Variants in PTPRQ observed in about 807,000 individuals in gnomAD.
The protein encoded by PTPRQ is protein tyrosine phosphatase receptor type Q.
In PTPRQ, 199 loss-of-function variants were observed where a neutral mutation model predicts 246.0. The ratio of observed to expected loss-of-function variants is 0.81; its 90% CI spans 0.72 to 0.91. The LOEUF (loss-of-function observed/expected upper bound fraction) is 0.91. PTPRQ is among the 40% of genes least tolerant of loss of function. The probability of loss-of-function intolerance (pLI) is 0.00; values close to 1 mark genes in which losing one functional copy is unlikely to be tolerated. For synonymous variants in PTPRQ, 869 were observed against 853.2 expected (o/e 1.02, Z -0.32); for missense variants, 2,624 against 2,528.4 (o/e 1.04, Z -0.81).
At chr12:80,531,765 A>G (rs1183142345) in intron 17 of PTPRQ, among the ~76,000 whole-genome samples, 1 of 152,196 alleles carries the variant, frequency 6.6e-6, no homozygotes, top group Non-Finnish European at 1.5e-5. Flanking sequence ...AATATCAGCC[A>G]CAATCCTAAA....
intron 17 of PTPRQ, among the ~76,000 whole-genome samples, chr12:80,524,883 G>A (rs1477843271): frequency 6.6e-6 from 1 of 152,100 alleles, no homozygotes; most frequent in East Asian, 1.9e-4. Flanking sequence ...TACACCAATA[G>A]GGATATGTGT....
rs1369230370 is a variant in PTPRQ, at chr12:80,541,424, C to T, written c.3155-131C>T. On this transcript the variant is annotated intron_variant, in intron 20 of 44. Transcript: ENST00000644991. Reference sequence around the variant, plus strand: ...TTTTATAATAGGTGAATGTTTGCCACATCTGCATTTAAATAATTTAAGAGC... The same window carrying T: ...TTTTATAATAGGTGAATGTTTGCCATATCTGCATTTAAATAATTTAAGAGC... 5.3e-6 allele frequency: 3 copies of T among 571,084 alleles called. No homozygotes were observed. The African/African-American group carries it at 5.8e-5, about 11-fold the overall frequency. 35.4% of individuals were successfully genotyped at this position (571,084 alleles called of 1,614,324 possible). A position where few individuals can be genotyped will look rare whatever the true frequency, so the allele number is the denominator to read the frequency against.
intron 26 of PTPRQ, among the ~76,000 whole-genome samples, chr12:80,604,445 A>C (rs1215068411): frequency 1.3e-5 from 2 of 151,628 alleles, no homozygotes; most frequent in South Asian, 2.1e-4. Context: ...AAAGTAGGAC[A>C]AATTAAGAAA....
Position 80,610,513 on chromosome 12 carries a change from A to G in PTPRQ, c.4806A>G (p.Leu1602=), listed in dbSNP as rs1450075281. 3 of 1,535,126 alleles carry G rather than the reference A, an allele frequency of 2.0e-6. No individual in the cohort carries two copies. The South Asian group carries it at 3.7e-5, about 19-fold the overall frequency. ...EENKTIEIKD[L]EIFTRYSVVI... ...ATAAAACCATAGAAATTAAAGATTT[A>G]GAAATATTCACAAGGTATTCTGTAG... The change falls in exon 28 of 45, where the codon TTA becomes TTG. Residue 1602 remains leucine (L), a synonymous_variant. Transcript: ENST00000644991.
chr12:80,513,523 G>C (rs567359098), intron 17 of PTPRQ, among the ~76,000 whole-genome samples: 1 of 152,138 alleles, frequency 6.6e-6, no homozygotes, highest in African/African-American at 2.4e-5. Context: ...GGCACAGGAT[G>C]GGGGCGTGGT....
chr12:80,597,628 T>C (rs1898011808), intron 26 of PTPRQ, among the ~76,000 whole-genome samples: 1 of 151,908 alleles, frequency 6.6e-6, no homozygotes, highest in South Asian at 2.1e-4. Flanking sequence ...TTTCTAAGAG[T>C]TGTAATCATT....
intron 28 of PTPRQ, 117 bp downstream of exon 28, chr12:80,610,742 A>C (rs1898518951): frequency 7.7e-7 from 1 of 1,299,760 alleles, no homozygotes; most frequent in Non-Finnish European, 1.0e-6. Flanking sequence ...AAAGCATATA[A>C]ACAAAAAAAT....
intron 23 of PTPRQ, among the ~76,000 whole-genome samples, chr12:80,546,023 A>G (rs1170064039): frequency 1.3e-5 from 2 of 152,110 alleles, no homozygotes; most frequent in African/African-American, 4.8e-5. Context: ...AGTTTTTTAA[A>G]AAGGCAATTA....
chr12:80,649,355 T>G (rs1384012674), intron 36 of PTPRQ, among the ~76,000 whole-genome samples: 1 of 152,092 alleles, frequency 6.6e-6, no homozygotes, highest in Non-Finnish European at 1.5e-5. Flanking sequence ...AATCCTTTAT[T>G]TAATGTCACT....
chr12:80,522,052 T>C (rs1270552738), intron 17 of PTPRQ, among the ~76,000 whole-genome samples: 1 of 152,202 alleles, frequency 6.6e-6, no homozygotes, highest in Non-Finnish European at 1.5e-5. Flanking sequence ...CAGTGGTTTG[T>C]AGTTCTCCTT....
intron 17 of PTPRQ, among the ~76,000 whole-genome samples, chr12:80,529,873 A>T (rs1895794513): frequency 6.6e-6 from 1 of 152,190 alleles, no homozygotes; most frequent in Non-Finnish European, 1.5e-5. Flanking sequence ...AAATAGGTTT[A>T]GAGTTAAATA....
At chr12:80,609,806 T>C (rs910161815) in intron 27 of PTPRQ, among the ~76,000 whole-genome samples, 17 of 150,578 alleles carry the variant, frequency 1.1e-4, no homozygotes, top group Admixed American at 6.6e-5. Flanking sequence ...TTCAGAAAGA[T>C]GGTGTATTTC....
intron 19 of PTPRQ, among the ~76,000 whole-genome samples, chr12:80,537,199 AC>A (rs1482687363): frequency 2.6e-5 from 4 of 152,216 alleles, no homozygotes; most frequent in South Asian, 2.1e-4. Context: ...CCGTGCTTTA[AC>A]TTATTCCTAA....
intron 19 of PTPRQ, 31 bp downstream of exon 19, chr12:80,535,068 TTA>T: frequency 1.4e-6 from 2 of 1,470,372 alleles, no homozygotes; most frequent in Non-Finnish European, 1.8e-6. Context: ...TAGTTCTTTA[TTA>T]ACATCCTTAA....
intron 39 of PTPRQ, among the ~76,000 whole-genome samples, chr12:80,667,936 G>T (rs1900837593): frequency 6.6e-6 from 1 of 151,828 alleles, no homozygotes; most frequent in Non-Finnish European, 1.5e-5. Flanking sequence ...AATGTTCCTG[G>T]CTTGCACTGT....
rs1402057691 is a variant in PTPRQ at position 80,678,696 on chromosome 12, A to G, written c.6833A>G (p.Gln2278Arg). 9 of 1,550,146 alleles carry G rather than the reference A, an allele frequency of 5.8e-6. No homozygotes were observed. The highest frequency in any genetic ancestry group is 3.9e-5 in the Admixed American group (2 of 50,900). ...TGTTTTGTTAACTATTCAGCACTTC[A>G]GAAGATGGACTCTTTGGACGCCATG... ...PICFVNYSAL[Q>R]KMDSLDAMEG... Residue 2278 changes from glutamine to arginine, a missense_variant, in exon 44 of 45, where the codon CAG becomes CGG. Coordinates refer to ENST00000644991, the MANE Select transcript of PTPRQ (RefSeq NM_001145026.2).
In PTPRQ at chr12:80,676,315, C is replaced by G. The variant is rs867193168; in HGVS notation, c.6739-2287C>G. ...GGCACTGAGGTGTATAGCCCTTACC[C>G]AGGAGAAAGCTTTGATTTCTTTCAC... On this transcript the variant is annotated intron_variant, in intron 43 of 44. Coordinates refer to ENST00000644991, the MANE Select transcript of PTPRQ (RefSeq NM_001145026.2). Among the ~76,000 whole-genome samples the G allele has an allele frequency of 3.7e-4, 56 of 152,246 alleles. No individual in the cohort carries two copies. The Middle Eastern group carries it at 0.01, about 28-fold the overall frequency.
chr12:80,522,669 T>C lies in PTPRQ; in HGVS notation c.2679-11346T>C, dbSNP rs544535441. Among the ~76,000 whole-genome samples, 577 of 152,348 alleles carry C rather than the reference T, an allele frequency of 3.8e-3. 2 individuals carry two copies. Among genetic ancestry groups the C allele is most frequent in the African/African-American group, 0.013 (542 of 41,572 alleles). ...TGTTTATATGCTGGATTATGTTTAT[T>C]GATTTGCATATGTGGAGCCAGCCTT... On this transcript the variant is annotated intron_variant, in intron 17 of 44. Coordinates refer to ENST00000644991, the MANE Select transcript of PTPRQ (RefSeq NM_001145026.2).
At chr12:80,534,744 G>A in intron 18 of PTPRQ, 148 bp from the exon 19 acceptor site, 2 of 1,014,770 alleles carry the variant, frequency 2.0e-6, no homozygotes, top group South Asian at 3.7e-5. Flanking sequence ...TGTGTTTTAT[G>A]GATTTCATTT....
Sources: gnomAD v4.1 joint callset for allele counts (sites outside exome capture counted in the v4.1 genomes callset) on GRCh38, gnomAD v4.1.1 for gene constraint, MANE v1.5 for transcripts, NCBI Gene and HGNC (gene_info 2026-07-23, HGNC 2026-07-21) for gene names.